The following C19orf38 variants were observed in gnomAD, a reference collection of about 807,000 sequenced individuals.
The protein encoded by C19orf38 is protein HIDE1.
Under a neutral mutation model 26.6 loss-of-function variants are expected in C19orf38, and 14 were observed. The ratio of observed to expected loss-of-function variants is 0.53; its 90% CI spans 0.35 to 0.82. The LOEUF is 0.82. Ranked by LOEUF, C19orf38 falls within the 40% of genes least tolerant of loss-of-function variation. C19orf38 has a pLI of 0.01. For synonymous variants in C19orf38, 132 were observed against 128.5 expected, an observed-to-expected ratio of 1.03 and a Z score of -0.18; for missense variants, 261 against 299.5, an observed-to-expected ratio of 0.87 and a Z score of 0.95.
intron 6 of C19orf38, among the ~76,000 whole-genome samples, chr19:10,866,357 A>ATTTTTTTTTT (rs71164128): frequency 2.3e-4 from 29 of 125,610 alleles, no homozygotes; most frequent in Non-Finnish European, 3.6e-4. Context: ...TGCCCAGCTA[A>ATTTTTTTTTT]TTTTTTTTTT....
chr19:10,856,121 C>CCAGACA (rs2146260849), intron 2 of C19orf38, 144 bp from the exon 3 acceptor site: 1 of 617,874 alleles, frequency 1.6e-6, no homozygotes, highest in South Asian at 1.9e-5. Flanking sequence ...GGCTAATTGG[C>CCAGACA]CAGACACAAA....
intron 5 of C19orf38, among the ~76,000 whole-genome samples, chr19:10,861,880 C>T (rs1167350736): frequency 1.3e-5 from 2 of 150,826 alleles, no homozygotes; most frequent in East Asian, 2.0e-4. Flanking sequence ...GAGCCACCGC[C>T]CTTTTGTTGT....
intron 1 of C19orf38, among the ~76,000 whole-genome samples, chr19:10,849,228 C>G (rs983428520): frequency 4.3e-4 from 65 of 152,102 alleles, no homozygotes; most frequent in African/African-American, 1.5e-3. Context: ...ACTGTGTTCT[C>G]CAGGCTAGTC....
chr19:10,856,978 T>C (rs1195368081), intron 3 of C19orf38, among the ~76,000 whole-genome samples: 1 of 151,728 alleles, frequency 6.6e-6, no homozygotes, highest in East Asian at 1.9e-4. Context: ...TTATTTATTT[T>C]TTTTAGGACA....
chr19:10,844,402 CAAAAAA>C (rs1249868993), upstream of C19orf38, among the ~76,000 whole-genome samples: 1 of 65,082 alleles, frequency 1.5e-5, no homozygotes, highest in Admixed American at 1.8e-4. Context: ...GACTCCGTCT[CAAAAAA>C]AAAAAAAAAA....
upstream of C19orf38, among the ~76,000 whole-genome samples, chr19:10,847,033 C>T (rs149032368): frequency 4.1e-4 from 62 of 152,256 alleles, no homozygotes; most frequent in Non-Finnish European, 7.3e-4. Flanking sequence ...ACTCTAATGA[C>T]GCATTTTGGT....
chr19:10,863,158 T>C lies in C19orf38; in HGVS notation c.506-12T>C, dbSNP rs1405966720. 6.4e-7 allele frequency: 1 copy of C among 1,551,168 alleles called. No homozygotes were observed. The highest frequency in any genetic ancestry group is 1.2e-5 in the South Asian group (1 of 84,044). On this transcript the variant is annotated splice_polypyrimidine_tract_variant and intron_variant, in intron 5 of 6. Transcript: ENST00000397820. ...CCCCCAATCCTGGGTTTTCTTTCTCTTTCTGTTTCAGACATGTCCTTCGAT... is the reference window on the plus strand; with the variant it reads ...CCCCCAATCCTGGGTTTTCTTTCTCCTTCTGTTTCAGACATGTCCTTCGAT...
intron 1 of C19orf38, among the ~76,000 whole-genome samples, chr19:10,837,492 A>ATTTTTTTTTTCTTTTTTTTTTTTT (rs1400870400): frequency 6.1e-5 from 5 of 81,902 alleles, no homozygotes; most frequent in Non-Finnish European, 1.0e-4. Context: ...TTTTTTTTTA[A>ATTTTTTTTTTCTTTTTTTTTTTTT]TTTTTTTTTC....
In C19orf38 at chr19:10,856,490, GTATT is replaced by G. The variant is rs374016803; in HGVS notation, c.433+150_433+153del. 5.1e-5 allele frequency: 27 copies of G among 524,620 alleles called. 1 individual carries two copies. The highest frequency in any genetic ancestry group is 3.3e-4 in the Middle Eastern group (1 of 3,040). The allele number at this position is 524,620 out of a possible 1,614,324, so 32.5% of individuals were successfully genotyped here. A position where few individuals can be genotyped will look rare whatever the true frequency, so the allele number is the denominator to read the frequency against. On this transcript the variant is annotated intron_variant, in intron 3 of 6. Transcript: ENST00000397820. ...TTTGTTCATCACACCCCTTTTAAAAGTATTTATTTATTTATTTATTATTTTTCTT... is the reference window on the plus strand; with the variant it reads ...TTTGTTCATCACACCCCTTTTAAAAGTATTTATTTATTTATTATTTTTCTT...
intron 6 of C19orf38, among the ~76,000 whole-genome samples, 162 bp from the exon 7 acceptor site, chr19:10,869,056 G>A (rs1213521239): frequency 6.6e-6 from 1 of 152,102 alleles, no homozygotes; most frequent in African/African-American, 2.4e-5. Flanking sequence ...TTAGCAGAGA[G>A]GAAGGCAGGA....
chr19:10,855,440 C>T (rs1374652747), intron 2 of C19orf38, among the ~76,000 whole-genome samples: 1 of 152,064 alleles, frequency 6.6e-6, no homozygotes, highest in African/African-American at 2.4e-5. Context: ...CGGGTTCAAA[C>T]TATTCTTGTG....
rs190035797 is a variant in C19orf38 at position 10,839,261 on chromosome 19, G to A, written c.-69+2491G>A. ...GTGGTAGCAAAAAAGGGGAGATGGA[G>A]CCTCCGTGTTGGATATGCCTGGCTC... On this transcript the variant is annotated intron_variant, in intron 1 of 7. Transcript: ENST00000592854. Among the ~76,000 whole-genome samples the A allele has an allele frequency of 1.6e-3, 238 of 152,286 alleles. 2 individuals are homozygous for A. Among genetic ancestry groups the A allele is most frequent in the African/African-American group, 5.5e-3 (230 of 41,558 alleles).
At chr19:10,852,986 C>T (rs932187141) in intron 2 of C19orf38, among the ~76,000 whole-genome samples, 4 of 149,958 alleles carry the variant, frequency 2.7e-5, no homozygotes, top group South Asian at 2.1e-4. Context: ...TGAGGCAGGA[C>T]GATTCCTTGA....
intron 1 of C19orf38, among the ~76,000 whole-genome samples, chr19:10,841,352 A>C (rs1027100300): frequency 6.6e-6 from 1 of 152,016 alleles, no homozygotes; most frequent in African/African-American, 2.4e-5. Context: ...TTGTGGTGGC[A>C]TGCACCTATA....
intron 5 of C19orf38, among the ~76,000 whole-genome samples, chr19:10,861,581 T>C (rs2073699242): frequency 3.3e-5 from 5 of 152,154 alleles, no homozygotes; most frequent in African/African-American, 1.2e-4. Flanking sequence ...AAGTGATGTT[T>C]TTCTTTTTTT....
chr19:10,850,122 G>A (rs2073554243), intron 1 of C19orf38, 137 bp from the exon 2 acceptor site: 1 of 757,232 alleles, frequency 1.3e-6, no homozygotes, highest in Non-Finnish European at 2.1e-6. Context: ...GCCAGGCAGT[G>A]TGGGGTAGGG....
intron 1 of C19orf38, chr19:10,842,220 C>A: frequency 7.8e-7 from 1 of 1,289,138 alleles, no homozygotes; most frequent in Non-Finnish European, 1.1e-6. Flanking sequence ...TCAGTGATGA[C>A]TACCACAGAA....
rs367951373 is a variant in C19orf38, at chr19:10,850,250, G to A, written c.32-9G>A. 1.9e-4 allele frequency: 298 copies of A among 1,548,130 alleles called. 1 individual carries two copies. In the African/African-American group the frequency reaches 3.7e-3, roughly 19 times the overall value. Reference sequence around the variant, plus strand: ...CACGCACCCACCCACCTTACCCTCTGCATTGCAGGCTCCTTGGCGATCCCA... The same window carrying A: ...CACGCACCCACCCACCTTACCCTCTACATTGCAGGCTCCTTGGCGATCCCA... On this transcript the variant is annotated splice_polypyrimidine_tract_variant and intron_variant, in intron 1 of 6. Transcript: ENST00000397820.
chr19:10,841,711 G>A (rs1254110754), intron 1 of C19orf38: 28 of 621,086 alleles, frequency 4.5e-5, no homozygotes, highest in Non-Finnish European at 6.8e-5. Context: ...AGTGGCTCAC[G>A]CCTGTAATCC....
Sources: allele counts gnomAD v4.1 joint callset (sites outside exome capture counted in the v4.1 genomes callset), GRCh38; gene constraint gnomAD v4.1.1; transcripts MANE v1.5; gene names NCBI Gene and HGNC (gene_info 2026-07-23, HGNC 2026-07-21).